BLM: variants seen among roughly 807,000 people sequenced by gnomAD.
BLM encodes BLM RecQ like helicase.
Under a neutral mutation model 135.3 loss-of-function variants are expected in BLM, and 95 were observed. That is an observed-to-expected ratio of 0.70 (90% CI 0.59 to 0.83). The LOEUF (loss-of-function observed/expected upper bound fraction) is 0.83. Among genes scored for constraint, BLM ranks in the 40% least tolerant of loss-of-function variants. BLM has a pLI of 0.00. For missense variants in BLM, 1,518 were observed against 1,663.9 expected, an observed-to-expected ratio of 0.91 and a Z score of 1.53; for synonymous variants, 520 against 589.2, an observed-to-expected ratio of 0.88 and a Z score of 1.70.
intron 17 of BLM, among the ~76,000 whole-genome samples, chr15:90,799,200 A>G (rs1241926875): frequency 6.6e-6 from 1 of 151,932 alleles, no homozygotes; most frequent in East Asian, 1.9e-4. Context: ...GAGGAAGACC[A>G]AATAAATAGA....
At chr15:90,760,387 A>G (rs979358195) in intron 6 of BLM, 108 bp downstream of exon 6, 33 of 1,422,938 alleles carry the variant, frequency 2.3e-5, no homozygotes, top group Non-Finnish European at 3.0e-5. Flanking sequence ...GAAATGGCAT[A>G]AGGATGATCA....
intron 12 of BLM, among the ~76,000 whole-genome samples, chr15:90,773,026 G>A (rs1177842371): frequency 6.6e-6 from 1 of 150,998 alleles, no homozygotes; most frequent in African/African-American, 2.4e-5. Flanking sequence ...GAACCCGGGA[G>A]GCGGAGGTTG....
At chr15:90,730,076 G>A (rs545746869) in intron 1 of BLM, among the ~76,000 whole-genome samples, 1 of 151,936 alleles carries the variant, frequency 6.6e-6, no homozygotes, top group South Asian at 2.1e-4. Context: ...GGCTGATCTC[G>A]AACTCCTGAC....
chr15:90,775,186 A>G (rs1896440592), intron 12 of BLM, among the ~76,000 whole-genome samples: 1 of 152,166 alleles, frequency 6.6e-6, no homozygotes, highest in Non-Finnish European at 1.5e-5. Flanking sequence ...GAGGGCAGGA[A>G]TGGTAACTAA....
intron 1 of BLM, 97 bp from the exon 2 acceptor site, chr15:90,747,292 A>G (rs1895528604): frequency 4.3e-6 from 4 of 923,602 alleles, no homozygotes; most frequent in Non-Finnish European, 6.9e-6. Flanking sequence ...CAGTTGGAAC[A>G]ATGCCTGTTT....
At chr15:90,736,150 T>C (rs946764041) in intron 1 of BLM, among the ~76,000 whole-genome samples, 1 of 152,210 alleles carries the variant, frequency 6.6e-6, no homozygotes, top group Non-Finnish European at 1.5e-5. Flanking sequence ...GAATGCAAAC[T>C]TGTAAAACCT....
chr15:90,739,664 C>T (rs1895312328), intron 1 of BLM, among the ~76,000 whole-genome samples: 1 of 152,208 alleles, frequency 6.6e-6, no homozygotes, highest in Non-Finnish European at 1.5e-5. Flanking sequence ...GATTCCCATA[C>T]TGTATGAGTC....
chr15:90,755,038 A>G, intron 5 of BLM, 100 bp downstream of exon 5: 1 of 1,422,726 alleles, frequency 7.0e-7, no homozygotes, highest in Non-Finnish European at 9.6e-7. Flanking sequence ...TGTATGTTAT[A>G]AAATGGCAGA....
intron 17 of BLM, among the ~76,000 whole-genome samples, chr15:90,801,159 A>AC (rs889221154): frequency 3.5e-5 from 2 of 56,562 alleles, no homozygotes; most frequent in African/African-American, 7.7e-5. Context: ...AAAAAAAAAA[A>AC]AGTTGTAAAA....
Position 90,798,208 on chromosome 15 carries a change from G to A in BLM, c.3229G>A (p.Val1077Met), listed in dbSNP as rs779096973. The A allele has an allele frequency of 1.0e-5, 16 of 1,607,498 alleles. No individual in the cohort carries two copies. In the East Asian group the frequency reaches 3.4e-4, roughly 34 times the overall value. Residue 1077 changes from valine (V) to methionine (M), a missense_variant, in exon 17 of 22, where the codon GTG (valine) becomes ATG (methionine). Val to Met is a conservative substitution (Grantham distance 21). Around this residue, in one of 5 missense-constraint regions of BLM, gnomAD observed 626 missense variants for 681.1 expected, o/e 0.92. Transcript: ENST00000355112. ...TTCATAGGATTATAAAACAAGAGAT[G>A]TGACTGACGATGTGAAAAGTATTGT... Reference protein sequence around the residue: ...CKTKDYKTRDVTDDVKSIVRF... With the variant: ...CKTKDYKTRDMTDDVKSIVRF...
intron 2 of BLM, 120 bp downstream of exon 2, chr15:90,747,610 T>C: frequency 1.3e-6 from 1 of 741,886 alleles, no homozygotes; most frequent in Non-Finnish European, 2.4e-6. Flanking sequence ...GAGAGATTCA[T>C]TGATTTTCCC....
chr15:90,769,665 G>GCGCT lies in BLM; in HGVS notation c.2555+80_2555+83dup, dbSNP rs28385039. The GCGCT allele has an allele frequency of 0.069, 103,814 of 1,502,158 alleles. 4,136 individuals carry two copies. The highest frequency in any genetic ancestry group is 0.075 in the Non-Finnish European group (83,220 of 1,102,664). The allele number at this position is 1,502,158 out of a possible 1,614,324, so 93.1% of individuals were successfully genotyped here. On this transcript the variant is annotated intron_variant, in intron 12 of 21. Coordinates refer to ENST00000355112, the MANE Select transcript of BLM (RefSeq NM_000057.4). ...CTGCTACATGTTAGAATCACCTGTGGCGCTTTAACGCCACCACCCCACCCC... is the reference window on the plus strand; with the variant it reads ...CTGCTACATGTTAGAATCACCTGTGGCGCTCGCTTTAACGCCACCACCCCACCCC...
chr15:90,763,811 A>G (rs1192434442), intron 8 of BLM, among the ~76,000 whole-genome samples: 3 of 152,250 alleles, frequency 2.0e-5, no homozygotes, highest in African/African-American at 7.2e-5. Flanking sequence ...TCAATGATTT[A>G]TAGTCATTCA....
Position 90,809,125 on chromosome 15 carries a change from G to C in BLM, c.3752-12G>C. ...TGATAATTTAAATTCCTAATTTTAT[G>C]CCTTTGCACAGAATCTTTATCTTCT... On this transcript the variant is annotated splice_polypyrimidine_tract_variant and intron_variant, in intron 19 of 21. Coordinates refer to ENST00000355112, the MANE Select transcript of BLM (RefSeq NM_000057.4). 6.2e-7 allele frequency: 1 copy of C among 1,614,084 alleles called. No individual in the cohort carries two copies. Among genetic ancestry groups the C allele is most frequent in the Non-Finnish European group, 8.5e-7 (1 of 1,179,920 alleles).
At chr15:90,814,516 G>C (rs1596275933) in intron 21 of BLM, among the ~76,000 whole-genome samples, 1 of 152,192 alleles carries the variant, frequency 6.6e-6, no homozygotes, top group East Asian at 1.9e-4. Flanking sequence ...AGGTGAGCCA[G>C]GGAGCTGCTG....
chr15:90,809,301 T>C (rs1413241166), intron 20 of BLM, 42 bp downstream of exon 20: 3 of 1,613,806 alleles, frequency 1.9e-6, no homozygotes, highest in Admixed American at 3.3e-5. Context: ...GCCTGTTTAA[T>C]GTGAAGCGAC....
chr15:90,734,700 G>C (rs1396304935), intron 1 of BLM, among the ~76,000 whole-genome samples: 9 of 56,888 alleles, frequency 1.6e-4, no homozygotes, highest in African/African-American at 1.3e-3. Flanking sequence ...CACACGCAGA[G>C]AGAGAGAGAG....
chr15:90,784,003 A>AT (rs538479260), intron 13 of BLM, among the ~76,000 whole-genome samples: 1 of 152,108 alleles, frequency 6.6e-6, no homozygotes, highest in African/African-American at 2.4e-5. Flanking sequence ...TTTTCTATGC[A>AT]TTTTTTTCTA....
At chr15:90,795,927 G>A (rs28385112) in intron 16 of BLM, among the ~76,000 whole-genome samples, 24,342 of 152,160 alleles carry the variant, frequency 0.16, 2,017 homozygotes, top group Non-Finnish European at 0.19. Context: ...GAAGAAGGGA[G>A]TTAGCTGGCA....
Sources: gnomAD v4.1 joint callset for allele counts (sites outside exome capture counted in the v4.1 genomes callset) on GRCh38, gnomAD v4.1.1 for gene constraint, gnomAD v4.1.1 regional missense constraint, MANE v1.5 for transcripts, NCBI Gene and HGNC (gene_info 2026-07-23, HGNC 2026-07-21) for gene names.